HTR1F: variants seen among roughly 807,000 people sequenced by gnomAD.
HTR1F encodes the protein 5-hydroxytryptamine receptor 1F, also known as 5-hydroxytryptamine (serotonin) receptor 1F, G protein-coupled.
Under a neutral mutation model 24.0 loss-of-function variants are expected in HTR1F, and 17 were observed. The ratio of observed to expected loss-of-function variants is 0.71; its 90% CI spans 0.48 to 1.06. HTR1F has a LOEUF of 1.06. Among genes scored for constraint, HTR1F ranks in the 50% least tolerant of loss-of-function variants. HTR1F has a pLI of 0.00. For synonymous variants in HTR1F, 186 were observed against 156.8 expected (o/e 1.19, Z -1.39); for missense variants, 391 against 427.8 (o/e 0.91, Z 0.76).
intron 2 of HTR1F, among the ~76,000 whole-genome samples, chr3:87,852,709 T>C (rs556116114): frequency 2.6e-5 from 4 of 151,920 alleles, no homozygotes; most frequent in East Asian, 1.9e-4. Context: ...GTTTTTAATA[T>C]GGGCTATTTG....
Position 87,991,845 on chromosome 3 carries a change from T to C in HTR1F, c.1096T>C (p.Cys366Arg), listed in dbSNP as rs777007879. Reference protein sequence around the residue: ...KAFQKLVRCRC With the variant: ...KAFQKLVRCRR ...ATTCCAAAAGCTTGTGCGATGTCGA[T>C]GTTAGTTTTAAAAATGTTTATTATT... The change falls in exon 3 of 3, where the codon TGT (cysteine) becomes CGT (arginine). Residue 366 changes from cysteine to arginine, a missense_variant. By Grantham distance (180) the Cys-to-Arg change is radical. Coordinates refer to ENST00000319595, the MANE Select transcript of HTR1F (RefSeq NM_001322209.2). The C allele has an allele frequency of 1.3e-5, 20 of 1,559,640 alleles. No homozygotes were observed. The highest frequency in any genetic ancestry group is 1.7e-5 in the Non-Finnish European group (20 of 1,155,432).
chr3:87,880,461 T>G (rs552518542), intron 2 of HTR1F, among the ~76,000 whole-genome samples: 52 of 152,320 alleles, frequency 3.4e-4, no homozygotes, highest in African/African-American at 1.2e-3. Context: ...TTTCTTAGGA[T>G]ACATAGTGAG....
At chr3:87,980,673 C>T (rs1705521011) in intron 2 of HTR1F, among the ~76,000 whole-genome samples, 2 of 13,458 alleles carry the variant, frequency 1.5e-4, no homozygotes, top group South Asian at 0.048. Context: ...GGTGCTCAGG[C>T]TGTACTGAGG....
intron 2 of HTR1F, among the ~76,000 whole-genome samples, chr3:87,912,362 A>G (rs1818163): frequency 0.44 from 66,229 of 151,716 alleles, 15,455 homozygotes; most frequent in African/African-American, 0.61. Flanking sequence ...ACAGCTAACC[A>G]TGGAGGTGAA....
intron 1 of HTR1F, among the ~76,000 whole-genome samples, chr3:87,797,836 G>A (rs540349438): frequency 1.5e-4 from 23 of 152,272 alleles, no homozygotes; most frequent in African/African-American, 5.5e-4. Context: ...AGACCAATGA[G>A]GATAAACTAC....
chr3:87,931,688 C>A (rs977740587), intron 2 of HTR1F, among the ~76,000 whole-genome samples: 23 of 151,986 alleles, frequency 1.5e-4, no homozygotes, highest in African/African-American at 5.1e-4. Flanking sequence ...GTTCCTATTT[C>A]TGCACATCCT....
At chr3:87,974,136 A>G (rs1027689) in intron 2 of HTR1F, among the ~76,000 whole-genome samples, 127,814 of 152,194 alleles carry the variant, frequency 0.84, 54,388 homozygotes, top group East Asian at 0.96. Context: ...ATTTCCATGC[A>G]GAAGCCATGC....
chr3:87,841,912 A>C (rs964932327), intron 2 of HTR1F, among the ~76,000 whole-genome samples: 2 of 116,566 alleles, frequency 1.7e-5, no homozygotes, highest in Non-Finnish European at 1.6e-5. Flanking sequence ...AAAAAAAAAA[A>C]AAAAGAAAAA....
chr3:87,845,088 T>C (rs1429855104), intron 2 of HTR1F, among the ~76,000 whole-genome samples: 1 of 151,588 alleles, frequency 6.6e-6, no homozygotes, highest in Non-Finnish European at 1.5e-5. Flanking sequence ...TATTTCAAAA[T>C]AATAAGAGCT....
chr3:87,887,007 C>T (rs1041600599), intron 2 of HTR1F, among the ~76,000 whole-genome samples: 2 of 150,050 alleles, frequency 1.3e-5, no homozygotes, highest in African/African-American at 4.8e-5. Context: ...TAAAAGAGCC[C>T]ACATTGCCAA....
rs1704370479 is a variant in HTR1F at position 87,822,075 on chromosome 3, G to A, written c.-92G>A. 6.6e-6 allele frequency among the ~76,000 whole-genome samples: 1 copy of A among 152,110 alleles called. No homozygotes were observed. Among genetic ancestry groups the A allele is most frequent in the African/African-American group, 2.4e-5 (1 of 41,410 alleles). On this transcript the variant is annotated 5_prime_UTR_variant, in exon 2 of 3. An upstream start codon of the reference 5' UTR is lost. Transcript: ENST00000319595. ...GAACTTCTCAAAAGAACAGGAACAT[G>A]AGGAGACGAAATGGTGATGAAAACC... is the stretch of plus-strand genomic sequence containing the variant.
At chr3:87,909,402 T>C (rs1026358395) in intron 2 of HTR1F, among the ~76,000 whole-genome samples, 1 of 152,026 alleles carries the variant, frequency 6.6e-6, no homozygotes, top group African/African-American at 2.4e-5. Flanking sequence ...CTTCCATTAA[T>C]GGTGAAAAAA....
intron 2 of HTR1F, among the ~76,000 whole-genome samples, chr3:87,855,143 A>C (rs1575950407): frequency 6.6e-6 from 1 of 152,002 alleles, no homozygotes; most frequent in Non-Finnish European, 1.5e-5. Flanking sequence ...TCTTGTATGC[A>C]GTGTACATTA....
chr3:87,920,439 C>A (rs1410919262), intron 2 of HTR1F, among the ~76,000 whole-genome samples: 1 of 151,852 alleles, frequency 6.6e-6, no homozygotes, highest in African/African-American at 2.4e-5. Context: ...TAAGCTACTG[C>A]AAGACCCTGG....
intron 2 of HTR1F, among the ~76,000 whole-genome samples, chr3:87,989,428 G>A (rs1313361385): frequency 4.6e-5 from 7 of 152,270 alleles, no homozygotes; most frequent in African/African-American, 7.2e-5. Context: ...ACGATTATTT[G>A]ATTCCAACTA....
At chr3:87,810,303 C>T (rs111252565) in intron 1 of HTR1F, among the ~76,000 whole-genome samples, 51 of 152,248 alleles carry the variant, frequency 3.3e-4, no homozygotes, top group African/African-American at 1.2e-3. Flanking sequence ...AAACTTCCTT[C>T]ATCGGAAATG....
At chr3:87,967,788 T>G (rs1705199842) in intron 2 of HTR1F, among the ~76,000 whole-genome samples, 2 of 152,194 alleles carry the variant, frequency 1.3e-5, no homozygotes, top group Non-Finnish European at 2.9e-5. Context: ...AAACCTCTTT[T>G]TCTTTATAAA....
At chr3:87,898,707 G>C (rs545286211) in intron 2 of HTR1F, among the ~76,000 whole-genome samples, 102 of 151,490 alleles carry the variant, frequency 6.7e-4, no homozygotes, top group Admixed American at 1.1e-3. Context: ...TTTCTTAAGG[G>C]GTATTTGTTT....
chr3:87,887,448 T>C (rs1479556793), intron 2 of HTR1F, among the ~76,000 whole-genome samples: 3 of 152,246 alleles, frequency 2.0e-5, no homozygotes, highest in Middle Eastern at 3.4e-3. Context: ...CCAAAAGCAA[T>C]GGCAACAAAA....
Sources: allele counts gnomAD v4.1 joint callset (sites outside exome capture counted in the v4.1 genomes callset), GRCh38; gene constraint gnomAD v4.1.1; transcripts MANE v1.5; gene names NCBI Gene and HGNC (gene_info 2026-07-23, HGNC 2026-07-21).